Variants in SSPN observed in about 807,000 individuals in gnomAD.
SSPN encodes K-ras oncogene-associated protein.
SSPN carries 15 observed loss-of-function variants against 19.1 expected under a neutral mutation model. The ratio of observed to expected loss-of-function variants is 0.78; its 90% CI spans 0.52 to 1.21. The LOEUF is 1.21. Among genes scored for constraint, SSPN ranks in the 50% most tolerant of loss-of-function variants. SSPN has a pLI of 0.00. For synonymous variants in SSPN, 147 were observed against 140.3 expected, an observed-to-expected ratio of 1.05 and a Z score of -0.34; for missense variants, 291 against 314.0, an observed-to-expected ratio of 0.93 and a Z score of 0.55.
chr12:26,124,226 T>TTCAC (rs755184861), intron 1 of SSPN: 1 of 1,272,358 alleles, frequency 7.9e-7, no homozygotes, highest in East Asian at 2.3e-5. Flanking sequence ...AAGCGAAACA[T>TTCAC]TCACTTATTG....
intron 1 of SSPN, among the ~76,000 whole-genome samples, chr12:26,132,693 A>G (rs186832739): frequency 5.6e-4 from 85 of 152,290 alleles, no homozygotes; most frequent in Admixed American, 4.7e-3. Context: ...CCTTCCAAGC[A>G]TATACAATTT....
chr12:26,213,056 T>C (rs1344655141), intron 1 of SSPN, among the ~76,000 whole-genome samples: 6 of 151,992 alleles, frequency 3.9e-5, no homozygotes, highest in Admixed American at 3.9e-4. Context: ...GCTGAAACAA[T>C]TGTGTTTTTT....
At chr12:26,224,053 T>C (rs904894643) in intron 1 of SSPN, among the ~76,000 whole-genome samples, 1 of 152,232 alleles carries the variant, frequency 6.6e-6, no homozygotes, top group African/African-American at 2.4e-5. Flanking sequence ...AAGGATCTTG[T>C]ATAGCACCTG....
chr12:26,204,859 A>G (rs755339699), intron 1 of SSPN, among the ~76,000 whole-genome samples: 10 of 152,208 alleles, frequency 6.6e-5, no homozygotes, highest in Non-Finnish European at 5.9e-5. Flanking sequence ...TTTCATAACA[A>G]TTGGTCCAAT....
At chr12:26,124,987 C>T in intron 1 of SSPN, 2 of 646,776 alleles carry the variant, frequency 3.1e-6, no homozygotes, top group South Asian at 1.7e-5. Flanking sequence ...CACGCACACT[C>T]GCGCCGGCCC....
intron 1 of SSPN, chr12:26,211,287 G>A (rs1282796146): frequency 1.3e-5 from 2 of 152,108 alleles, no homozygotes; most frequent in Non-Finnish European, 2.9e-5. Flanking sequence ...ACACAAATTT[G>A]TGTTATAATA....
intron 1 of SSPN, among the ~76,000 whole-genome samples, chr12:26,168,668 G>A (rs982681591): frequency 3.2e-4 from 49 of 152,350 alleles, no homozygotes; most frequent in African/African-American, 1.1e-3. Flanking sequence ...AGAAGGTTTC[G>A]TGGAGGGGAT....
At chr12:26,198,309 G>C (rs1032391157) in intron 1 of SSPN, among the ~76,000 whole-genome samples, 1 of 152,162 alleles carries the variant, frequency 6.6e-6, no homozygotes, top group Non-Finnish European at 1.5e-5. Context: ...AATTACAGGC[G>C]TGCACCGCCA....
intron 1 of SSPN, among the ~76,000 whole-genome samples, chr12:26,177,800 C>T (rs1266860102): frequency 6.6e-6 from 1 of 152,176 alleles, no homozygotes; most frequent in Non-Finnish European, 1.5e-5. Flanking sequence ...TGCCGGCTGG[C>T]TCTTTACACA....
intron 1 of SSPN, among the ~76,000 whole-genome samples, chr12:26,189,595 T>TA (rs923371276): frequency 4.0e-5 from 6 of 151,142 alleles, no homozygotes; most frequent in Admixed American, 1.3e-4. Context: ...TTCCATTAAA[T>TA]AAAAAAAAAG....
chr12:26,160,222 G>A (rs566478826), intron 1 of SSPN, among the ~76,000 whole-genome samples: 1 of 152,190 alleles, frequency 6.6e-6, no homozygotes. Flanking sequence ...ATAACATAGG[G>A]TGACTCTGTC....
chr12:26,125,834 C>A (rs1400965474), intron 1 of SSPN: 1 of 152,074 alleles, frequency 6.6e-6, no homozygotes, highest in African/African-American at 2.4e-5. Context: ...GGGGGTGGCA[C>A]GAGAGGGGCT....
Position 26,137,656 on chromosome 12 carries a change from A to ATTT in SSPN, c.-31+15528_-31+15530dup, listed in dbSNP as rs10597345. ...TGTATGTATATATATATATATATAT[A>ATTT]TTTTTTTTTTTTTTTTTTTTTTTTT... On this transcript the variant is annotated intron_variant, in intron 1 of 2. Coordinates refer to the SSPN transcript ENST00000538142. Among the ~76,000 whole-genome samples the ATTT allele has an allele frequency of 2.0e-4, 15 of 76,436 alleles. 2 individuals carry two copies. The highest frequency in any genetic ancestry group is 5.2e-4 in the African/African-American group (8 of 15,268). The allele number at this position is 76,436 out of a possible 152,430, so 50.1% of individuals were successfully genotyped here.
In SSPN at chr12:26,232,588, C is replaced by T. The variant is rs1272511447; in HGVS notation, c.*1512C>T. The T allele has an allele frequency of 1.0e-6, 1 of 985,168 alleles. No homozygotes were observed. The highest frequency in any genetic ancestry group is 1.2e-6 in the Non-Finnish European group (1 of 829,908). The allele number at this position is 985,168 out of a possible 1,614,324, so 61.0% of individuals were successfully genotyped here. On this transcript the variant is annotated 3_prime_UTR_variant, in exon 3 of 3. Transcript: ENST00000242729. ...TCTAACCTAAAAGGAAAACATTTTC[C>T]TGCTTGTCTTAGAAGAAAGTGGAAT...
chr12:26,202,279 C>A (rs1008704726), intron 1 of SSPN, among the ~76,000 whole-genome samples: 1 of 152,102 alleles, frequency 6.6e-6, no homozygotes. Context: ...ATACAGAGGG[C>A]TGACTGTAGT....
intron 1 of SSPN, among the ~76,000 whole-genome samples, chr12:26,224,019 C>T (rs1260633602): frequency 1.3e-5 from 2 of 152,142 alleles, no homozygotes; most frequent in African/African-American, 2.4e-5. Context: ...ACTGAGTAAA[C>T]TTTATTCATC....
chr12:26,164,875 T>C (rs925812566), intron 1 of SSPN, among the ~76,000 whole-genome samples: 4 of 152,230 alleles, frequency 2.6e-5, no homozygotes, highest in South Asian at 2.1e-4. Context: ...TCTGTAAAGA[T>C]AATGACAAGT....
chr12:26,123,101 G>C (rs1405607875), intron 1 of SSPN: 2 of 1,608,196 alleles, frequency 1.2e-6, no homozygotes, highest in African/African-American at 1.3e-5. Context: ...CTTCTTTGGC[G>C]CATGTTTGAA....
intron 1 of SSPN, among the ~76,000 whole-genome samples, chr12:26,134,387 C>G (rs1944413844): frequency 6.6e-6 from 1 of 152,196 alleles, no homozygotes; most frequent in Non-Finnish European, 1.5e-5. Context: ...TATCAGCTCC[C>G]TTTGTGCCTG....
Sources: gnomAD v4.1 joint callset for allele counts (sites outside exome capture counted in the v4.1 genomes callset) on GRCh38, gnomAD v4.1.1 for gene constraint, MANE v1.5 for transcripts, NCBI Gene and HGNC (gene_info 2026-07-23, HGNC 2026-07-21) for gene names.